BANK1: variants seen among roughly 807,000 people sequenced by gnomAD.
BANK1 encodes B-cell scaffold protein with ankyrin repeats.
BANK1 carries 95 observed loss-of-function variants against 94.5 expected under a neutral mutation model. That is an observed-to-expected ratio of 1.00 (90% CI 0.85 to 1.19). The LOEUF (loss-of-function observed/expected upper bound fraction) is 1.19, where lower values mean the gene tolerates loss of function less well. Ranked by LOEUF, BANK1 falls within the 50% of genes most tolerant of loss-of-function variation. The pLI, the probability that BANK1 is intolerant of heterozygous loss-of-function variation, is 0.00. For synonymous variants in BANK1, 334 were observed against 308.4 expected (o/e 1.08, Z -0.87); for missense variants, 987 against 932.2 (o/e 1.06, Z -0.77).
chr4:101,830,418 T>C lies in BANK1; in HGVS notation c.469+212T>C, dbSNP rs192729581. Among the ~76,000 whole-genome samples, 115 of 152,294 alleles carry C rather than the reference T, an allele frequency of 7.6e-4. 1 individual carries two copies. Among genetic ancestry groups the C allele is most frequent in the African/African-American group, 2.7e-3 (112 of 41,564 alleles). On this transcript the variant is annotated intron_variant, in intron 2 of 16. Transcript: ENST00000322953. Reference sequence around the variant, plus strand: ...TATTCCAATCAAGGCTTATTCCTTGTTCTAAACATGGCTTATAAATATATT... The same window carrying C: ...TATTCCAATCAAGGCTTATTCCTTGCTCTAAACATGGCTTATAAATATATT...
chr4:101,805,106 T>G (rs1725509320), intron 1 of BANK1, among the ~76,000 whole-genome samples: 1 of 152,180 alleles, frequency 6.6e-6, no homozygotes. Context: ...CATCAAAATG[T>G]TCTAAAATTA....
chr4:101,810,450 G>T (rs931715695), intron 1 of BANK1, among the ~76,000 whole-genome samples: 26 of 152,114 alleles, frequency 1.7e-4, no homozygotes, highest in African/African-American at 6.3e-4. Flanking sequence ...TACACCATCA[G>T]TCTAGTTAAA....
chr4:102,024,832 C>T (rs1309943783), intron 8 of BANK1, among the ~76,000 whole-genome samples: 3 of 151,820 alleles, frequency 2.0e-5, no homozygotes, highest in East Asian at 3.9e-4. Context: ...TTTTTCTTTA[C>T]GTTTTCCATC....
chr4:102,007,092 A>ATATTTATATATATATAAATATATTATAT (rs1322128290), intron 7 of BANK1, among the ~76,000 whole-genome samples: 4 of 82,298 alleles, frequency 4.9e-5, no homozygotes, highest in African/African-American at 1.7e-4. Flanking sequence ...ATATATATAT[A>ATATTTATATATATATAAATATATTATAT]ATATATTTAT....
intron 7 of BANK1, among the ~76,000 whole-genome samples, chr4:102,010,944 A>G (rs1369737655): frequency 5.3e-5 from 8 of 152,198 alleles, no homozygotes; most frequent in African/African-American, 1.9e-4. Flanking sequence ...AAACTAGATA[A>G]CCCAGTGTTT....
intron 6 of BANK1, among the ~76,000 whole-genome samples, chr4:101,906,880 A>G (rs1284004695): frequency 6.6e-6 from 1 of 152,100 alleles, no homozygotes; most frequent in Non-Finnish European, 1.5e-5. Context: ...AGTTGGGGAG[A>G]CCCTAACCCA....
At chr4:101,972,601 C>T (rs1195421804) in intron 7 of BANK1, 1 of 151,964 alleles carries the variant, frequency 6.6e-6, no homozygotes, top group Non-Finnish European at 1.5e-5. Flanking sequence ...AAAATCATCC[C>T]CCTTCTAATC....
chr4:101,802,312 C>G (rs1725379864), intron 1 of BANK1, among the ~76,000 whole-genome samples: 1 of 152,172 alleles, frequency 6.6e-6, no homozygotes, highest in African/African-American at 2.4e-5. Flanking sequence ...GCTTTAGTGA[C>G]ATAATCAGAA....
At chr4:101,892,561 T>A (rs1416750792) in intron 5 of BANK1, among the ~76,000 whole-genome samples, 2 of 151,714 alleles carry the variant, frequency 1.3e-5, no homozygotes, top group African/African-American at 4.8e-5. Flanking sequence ...TGGATATGTG[T>A]TTAATTTGTT....
At chr4:101,936,412 CATGTATACATGCATGTATAAG>C (rs1469071080) in intron 7 of BANK1, among the ~76,000 whole-genome samples, 2 of 149,698 alleles carry the variant, frequency 1.3e-5, no homozygotes, top group African/African-American at 2.4e-5. Context: ...TGTGCGTATG[CATGTATACATGCATGTATAAG>C]ATGTATACAT....
intron 10 of BANK1, among the ~76,000 whole-genome samples, chr4:102,030,595 C>T (rs572859650): frequency 2.6e-5 from 4 of 151,222 alleles, no homozygotes; most frequent in African/African-American, 7.3e-5. Flanking sequence ...CCCCCCACCC[C>T]GCAACAGGCC....
intron 9 of BANK1, among the ~76,000 whole-genome samples, chr4:102,027,182 A>G (rs1727133828): frequency 6.6e-6 from 1 of 152,148 alleles, no homozygotes; most frequent in Non-Finnish European, 1.5e-5. Flanking sequence ...TTATAACAAA[A>G]TTAATTGTCA....
At chr4:102,021,148 T>A (rs1306587071) in intron 7 of BANK1, among the ~76,000 whole-genome samples, 1 of 44,830 alleles carries the variant, frequency 2.2e-5, no homozygotes, top group East Asian at 4.0e-4. Flanking sequence ...TTTTGAACTG[T>A]AAAAGATATA....
At chr4:101,820,992 C>T (rs2148859276) in intron 1 of BANK1, among the ~76,000 whole-genome samples, 1 of 151,930 alleles carries the variant, frequency 6.6e-6, no homozygotes, top group Admixed American at 6.6e-5. Flanking sequence ...GGTCGAATGC[C>T]ATTACTGTCT....
At chr4:101,807,493 C>T (rs1725595754) in intron 1 of BANK1, among the ~76,000 whole-genome samples, 1 of 152,092 alleles carries the variant, frequency 6.6e-6, no homozygotes, top group Admixed American at 6.6e-5. Context: ...GATAAGTATT[C>T]TAAAAAGAAA....
intron 1 of BANK1, among the ~76,000 whole-genome samples, chr4:101,793,564 GAGGATGTATTGT>G (rs1725062909): frequency 6.6e-6 from 1 of 152,148 alleles, no homozygotes; most frequent in Admixed American, 6.5e-5. Flanking sequence ...ATATCTATCT[GAGGATGTATTGT>G]AGGTGGTTAT....
chr4:101,963,699 C>T (rs772874337), intron 7 of BANK1, among the ~76,000 whole-genome samples: 1 of 152,082 alleles, frequency 6.6e-6, no homozygotes, highest in Non-Finnish European at 1.5e-5. Flanking sequence ...CAATGCTTTT[C>T]AAACCATAAG....
chr4:101,804,890 T>G (rs963439056), intron 1 of BANK1, among the ~76,000 whole-genome samples: 1 of 152,190 alleles, frequency 6.6e-6, no homozygotes, highest in African/African-American at 2.4e-5. Flanking sequence ...CAGGGGTCAT[T>G]GTCCCAACCC....
intron 7 of BANK1, 122 bp downstream of exon 7, chr4:101,918,311 G>A (rs750868846): frequency 1.1e-5 from 6 of 528,284 alleles, no homozygotes; most frequent in South Asian, 1.4e-4. Flanking sequence ...GGCACTATTA[G>A]GCACATGAAA....
Sources: allele counts gnomAD v4.1 joint callset (sites outside exome capture counted in the v4.1 genomes callset), GRCh38; gene constraint gnomAD v4.1.1; transcripts MANE v1.5; gene names NCBI Gene and HGNC (gene_info 2026-07-23, HGNC 2026-07-21).